The following PRKCA variants were observed in gnomAD, a reference collection of about 807,000 sequenced individuals.
PRKCA encodes protein kinase C alpha type.
Under a neutral mutation model 87.0 loss-of-function variants are expected in PRKCA, and 27 were observed. The ratio of observed to expected loss-of-function variants is 0.31; its 90% CI spans 0.23 to 0.43. The LOEUF is 0.43. Among genes scored for constraint, PRKCA ranks in the 20% least tolerant of loss-of-function variants. The pLI is 1.00. For missense variants in PRKCA, 518 were observed against 852.3 expected, an observed-to-expected ratio of 0.61 and a Z score of 4.88; for synonymous variants, 329 against 311.1, an observed-to-expected ratio of 1.06 and a Z score of -0.61.
chr17:66,447,637 A>G (rs375791979), intron 2 of PRKCA, among the ~76,000 whole-genome samples: 2 of 152,336 alleles, frequency 1.3e-5, no homozygotes, highest in Admixed American at 1.3e-4. Context: ...GTGCTGCTGA[A>G]TGTGGAAACC....
chr17:66,588,453 A>G (rs1969687796), intron 3 of PRKCA, among the ~76,000 whole-genome samples: 1 of 152,066 alleles, frequency 6.6e-6, no homozygotes, highest in Non-Finnish European at 1.5e-5. Flanking sequence ...TTGATGAAAG[A>G]AAAATGAGAA....
intron 5 of PRKCA, among the ~76,000 whole-genome samples, chr17:66,682,371 C>T (rs1157700294): frequency 6.6e-6 from 1 of 152,258 alleles, no homozygotes; most frequent in Admixed American, 6.5e-5. Flanking sequence ...TATTAAAGTT[C>T]TGGAATTACA....
At chr17:66,605,626 C>G (rs1970183058) in intron 3 of PRKCA, among the ~76,000 whole-genome samples, 1 of 152,128 alleles carries the variant, frequency 6.6e-6, no homozygotes, top group Non-Finnish European at 1.5e-5. Context: ...AACATATGTT[C>G]TTACAAAAAT....
chr17:66,324,412 G>T (rs1905854220), intron 2 of PRKCA, among the ~76,000 whole-genome samples: 1 of 141,310 alleles, frequency 7.1e-6, no homozygotes, highest in Non-Finnish European at 1.5e-5. Context: ...GGCCAACCTG[G>T]CCAACATGGT....
intron 8 of PRKCA, among the ~76,000 whole-genome samples, chr17:66,709,092 C>A (rs1374322639): frequency 6.6e-6 from 1 of 152,126 alleles, no homozygotes; most frequent in Admixed American, 6.5e-5. Flanking sequence ...TGGTTTGCCT[C>A]TGATCTCCTC....
At chr17:66,579,417 G>A (rs910390819) in intron 3 of PRKCA, among the ~76,000 whole-genome samples, 3 of 152,172 alleles carry the variant, frequency 2.0e-5, no homozygotes, top group South Asian at 2.1e-4. Flanking sequence ...TGAGGATGAC[G>A]GTAGCAGTGG....
chr17:66,304,391 T>C (rs528263854), intron 1 of PRKCA, among the ~76,000 whole-genome samples: 2 of 152,332 alleles, frequency 1.3e-5, no homozygotes, highest in East Asian at 3.9e-4. Context: ...GTTTGGTTTT[T>C]CTTTTAAGTT....
chr17:66,526,588 G>A (rs1377601669), intron 3 of PRKCA, among the ~76,000 whole-genome samples: 1 of 152,174 alleles, frequency 6.6e-6, no homozygotes, highest in South Asian at 2.1e-4. Context: ...GAAACACTAA[G>A]TCTGGTTCAT....
chr17:66,391,703 G>T (rs552494811), intron 2 of PRKCA, among the ~76,000 whole-genome samples: 1 of 151,954 alleles, frequency 6.6e-6, no homozygotes, highest in Non-Finnish European at 1.5e-5. Context: ...ATTTTCTTTC[G>T]GAAACTTTCA....
intron 14 of PRKCA, chr17:66,774,931 A>G: frequency 1.0e-6 from 1 of 985,444 alleles, no homozygotes; most frequent in Non-Finnish European, 1.2e-6. Flanking sequence ...GACATGTACC[A>G]GATAACCATG....
intron 2 of PRKCA, among the ~76,000 whole-genome samples, chr17:66,347,530 T>G (rs963249341): frequency 6.6e-6 from 1 of 152,238 alleles, no homozygotes; most frequent in Non-Finnish European, 1.5e-5. Flanking sequence ...ATGTGTTGAA[T>G]GGCTCTTTTA....
chr17:66,396,631 CT>C (rs10626483), intron 2 of PRKCA, among the ~76,000 whole-genome samples: 41 of 137,218 alleles, frequency 3.0e-4, no homozygotes, highest in Non-Finnish European at 4.1e-4. Context: ...CATTCTCTCT[CT>C]TTTTTTTTTT....
intron 2 of PRKCA, among the ~76,000 whole-genome samples, chr17:66,310,207 A>AT (rs11361111): frequency 0.33 from 48,512 of 145,188 alleles, 8,071 homozygotes; most frequent in African/African-American, 0.39. Context: ...GTTTTCTCTA[A>AT]TTTTTTTTTT....
intron 2 of PRKCA, among the ~76,000 whole-genome samples, chr17:66,494,238 A>T (rs767328901): frequency 2.0e-5 from 3 of 152,044 alleles, no homozygotes; most frequent in Non-Finnish European, 4.4e-5. Context: ...CATTTGGGAA[A>T]CTCTAACCTT....
chr17:66,455,712 G>A (rs894399940), intron 2 of PRKCA, among the ~76,000 whole-genome samples: 3 of 152,152 alleles, frequency 2.0e-5, no homozygotes, highest in African/African-American at 7.2e-5. Context: ...AAGAACACAA[G>A]GGTGGGAAGA....
intron 14 of PRKCA, among the ~76,000 whole-genome samples, chr17:66,776,953 G>A (rs945104059): frequency 2.0e-5 from 3 of 152,182 alleles, no homozygotes; most frequent in East Asian, 1.9e-4. Flanking sequence ...GTTAAACTCC[G>A]CCATGTTGCC....
chr17:66,742,496 C>T (rs1974179264), intron 12 of PRKCA, 126 bp from the exon 13 acceptor site: 13 of 1,001,196 alleles, frequency 1.3e-5, no homozygotes, highest in Non-Finnish European at 2.0e-5. Context: ...TACTACAGTC[C>T]AGGGACTTAT....
chr17:66,736,782 A>C (rs1804196466), intron 10 of PRKCA, among the ~76,000 whole-genome samples: 1 of 152,208 alleles, frequency 6.6e-6, no homozygotes, highest in Non-Finnish European at 1.5e-5. Flanking sequence ...ACACGTGAAA[A>C]TTAGGTCAAA....
intron 2 of PRKCA, among the ~76,000 whole-genome samples, chr17:66,308,615 A>G (rs1365350032): frequency 1.3e-5 from 2 of 152,106 alleles, no homozygotes; most frequent in East Asian, 1.9e-4. Flanking sequence ...ACCTTTTCCA[A>G]TAGTATACAT....
Sources: gnomAD v4.1 joint callset for allele counts (sites outside exome capture counted in the v4.1 genomes callset) on GRCh38, gnomAD v4.1.1 for gene constraint, MANE v1.5 for transcripts, NCBI Gene and HGNC (gene_info 2026-07-23, HGNC 2026-07-21) for gene names.